The following GPC6 variants were observed in gnomAD, a reference collection of about 807,000 sequenced individuals.
GPC6 encodes the protein glypican-6.
GPC6 carries 14 observed loss-of-function variants against 55.2 expected under a neutral mutation model. That is an observed-to-expected ratio of 0.25 (90% CI 0.17 to 0.40). The LOEUF is 0.40. Among genes scored for constraint, GPC6 ranks in the 10% least tolerant of loss-of-function variants. GPC6 has a pLI of 1.00. For synonymous variants in GPC6, 278 were observed against 259.6 expected (o/e 1.07, Z -0.68); for missense variants, 641 against 708.5 (o/e 0.90, Z 1.08).
chr13:93,747,906 T>A (rs556342461), intron 2 of GPC6, among the ~76,000 whole-genome samples: 2 of 152,312 alleles, frequency 1.3e-5, no homozygotes, highest in South Asian at 2.1e-4. Flanking sequence ...TTTCCTAGAC[T>A]GCGGGCCTTT....
At chr13:94,018,061 T>A (rs181056284) in intron 3 of GPC6, among the ~76,000 whole-genome samples, 135 of 152,300 alleles carry the variant, frequency 8.9e-4, no homozygotes, top group Admixed American at 2.0e-3. Context: ...TGAGTTTTCA[T>A]AAATGTCCAT....
At chr13:93,217,257 A>C in the GPC6 span, among the ~76,000 whole-genome samples, 1 of 152,242 alleles carries the variant, frequency 6.6e-6, no homozygotes, top group Non-Finnish European at 1.5e-5. Context: ...AAGTTCTTTC[A>C]TGATCTTTCT....
chr13:93,554,242 C>T (rs1007694063), intron 2 of GPC6, among the ~76,000 whole-genome samples: 5 of 151,914 alleles, frequency 3.3e-5, no homozygotes, highest in African/African-American at 9.7e-5. Context: ...ACAATGTCAG[C>T]GGTTGTTACT....
intron 6 of GPC6, among the ~76,000 whole-genome samples, chr13:94,317,256 T>C (rs1876586247): frequency 6.6e-6 from 1 of 152,194 alleles, no homozygotes; most frequent in Admixed American, 6.5e-5. Context: ...ACCAATGACT[T>C]TGTAAATTTT....
chr13:93,351,477 C>T (rs537149431), intron 1 of GPC6, among the ~76,000 whole-genome samples: 33 of 152,054 alleles, frequency 2.2e-4, no homozygotes, highest in African/African-American at 7.5e-4. Flanking sequence ...TTAAAGGATA[C>T]AAAATTACAG....
intron 3 of GPC6, among the ~76,000 whole-genome samples, chr13:93,902,828 GTCT>G (rs879762747): frequency 2.0e-5 from 3 of 152,104 alleles, no homozygotes; most frequent in Non-Finnish European, 2.9e-5. Flanking sequence ...ACATTTGTGT[GTCT>G]TCTTTTGAGA....
At chr13:94,082,221 A>G (rs1885126465) in intron 4 of GPC6, among the ~76,000 whole-genome samples, 1 of 151,968 alleles carries the variant, frequency 6.6e-6, no homozygotes, top group South Asian at 2.1e-4. Flanking sequence ...TACAACCAAC[A>G]TGTCTTCATG....
At chr13:94,323,853 C>T (rs1402641370) in intron 6 of GPC6, among the ~76,000 whole-genome samples, 2 of 152,090 alleles carry the variant, frequency 1.3e-5, no homozygotes, top group Admixed American at 1.3e-4. Flanking sequence ...CAACTCAAAG[C>T]CTGTAGGTAA....
intron 1 of GPC6, among the ~76,000 whole-genome samples, chr13:93,366,789 A>T (rs949092963): frequency 6.6e-6 from 1 of 152,082 alleles, no homozygotes; most frequent in African/African-American, 2.4e-5. Flanking sequence ...GCCAGATTTC[A>T]TTCCCAGAAT....
chr13:94,351,269 A>C (rs987920260), intron 6 of GPC6, among the ~76,000 whole-genome samples: 3 of 152,124 alleles, frequency 2.0e-5, no homozygotes, highest in Admixed American at 6.5e-5. Context: ...CTTACAAAAA[A>C]CACCACCTGG....
intron 3 of GPC6, among the ~76,000 whole-genome samples, chr13:93,985,279 A>G (rs1880973591): frequency 6.6e-6 from 1 of 152,086 alleles, no homozygotes; most frequent in Non-Finnish European, 1.5e-5. Flanking sequence ...TCTACTAAAA[A>G]TGCAAAAATT....
chr13:94,346,193 C>T (rs939162363), intron 6 of GPC6, among the ~76,000 whole-genome samples: 1 of 152,182 alleles, frequency 6.6e-6, no homozygotes, highest in Non-Finnish European at 1.5e-5. Context: ...CGTTATTTCT[C>T]ACCTTCCATA....
intron 1 of GPC6, among the ~76,000 whole-genome samples, chr13:93,287,573 T>A (rs1878178142): frequency 6.6e-6 from 1 of 152,188 alleles, no homozygotes; most frequent in South Asian, 2.1e-4. Flanking sequence ...TCAAAAGATA[T>A]GAGAGAGGAG....
chr13:94,192,576 T>C (rs747965483), intron 4 of GPC6, among the ~76,000 whole-genome samples: 6 of 152,218 alleles, frequency 3.9e-5, no homozygotes, highest in Admixed American at 3.9e-4. Flanking sequence ...TCCCATGCTA[T>C]GAGGAGCTCA....
intron 3 of GPC6, among the ~76,000 whole-genome samples, chr13:93,991,834 A>G (rs1881322079): frequency 6.6e-6 from 1 of 152,206 alleles, no homozygotes; most frequent in Non-Finnish European, 1.5e-5. Context: ...GTGTAATGAT[A>G]TAACATCACT....
At chr13:94,082,405 C>G (rs2138798281) in intron 4 of GPC6, among the ~76,000 whole-genome samples, 3 of 152,238 alleles carry the variant, frequency 2.0e-5, no homozygotes, top group Middle Eastern at 6.8e-3. Context: ...TTATTTCTTT[C>G]CACTCTCCCA....
intron 2 of GPC6, among the ~76,000 whole-genome samples, chr13:93,786,099 A>T (rs575196854): frequency 3.9e-5 from 6 of 152,342 alleles, no homozygotes; most frequent in African/African-American, 1.4e-4. Context: ...CTCCTTGGTC[A>T]GTGTGGACGC....
At chr13:93,950,998 G>A (rs1295697173) in intron 3 of GPC6, among the ~76,000 whole-genome samples, 8 of 152,020 alleles carry the variant, frequency 5.3e-5, no homozygotes, top group African/African-American at 1.9e-4. Flanking sequence ...AGCAAAGGAT[G>A]AATTTGGAAA....
chr13:93,511,520 G>A (rs1880972323), intron 1 of GPC6, among the ~76,000 whole-genome samples: 1 of 151,802 alleles, frequency 6.6e-6, no homozygotes, highest in African/African-American at 2.4e-5. Flanking sequence ...TCTCTATTAT[G>A]TTTCATTGGT....
Sources: gnomAD v4.1 joint callset for allele counts (sites outside exome capture counted in the v4.1 genomes callset) on GRCh38, gnomAD v4.1.1 for gene constraint, MANE v1.5 for transcripts, NCBI Gene and HGNC (gene_info 2026-07-23, HGNC 2026-07-21) for gene names.